The following EYS variants were observed in gnomAD, a reference collection of about 807,000 sequenced individuals.
The protein encoded by EYS is protein eyes shut homolog.
In EYS, 250 loss-of-function variants were observed where a neutral mutation model predicts 282.1. The ratio of observed to expected loss-of-function variants is 0.89; its 90% CI spans 0.80 to 0.98. The LOEUF (loss-of-function observed/expected upper bound fraction) is 0.98, where lower values mean the gene tolerates loss of function less well. Among genes scored for constraint, EYS ranks in the 50% least tolerant of loss-of-function variants. EYS has a pLI of 0.00. For missense variants in EYS, 4,016 were observed against 3,709.0 expected (o/e 1.08, Z -2.15); for synonymous variants, 1,355 against 1,282.9 (o/e 1.06, Z -1.20).
intron 30 of EYS, among the ~76,000 whole-genome samples, chr6:64,302,771 A>C (rs1241545024): frequency 6.6e-6 from 1 of 152,226 alleles, no homozygotes; most frequent in Non-Finnish European, 1.5e-5. Flanking sequence ...GATAAATTTC[A>C]ATCAGCAATG....
At chr6:64,948,566 AT>A (rs72166259) in intron 14 of EYS, among the ~76,000 whole-genome samples, 2 of 94,774 alleles carry the variant, frequency 2.1e-5, no homozygotes, top group African/African-American at 6.6e-5. Context: ...AATATTTAAT[AT>A]TTTAATATTA....
intron 42 of EYS, among the ~76,000 whole-genome samples, chr6:63,723,472 G>C (rs1322953305): frequency 6.6e-6 from 1 of 152,104 alleles, no homozygotes; most frequent in East Asian, 1.9e-4. Flanking sequence ...GTGTTGTAGA[G>C]TGTTCCTGTA....
chr6:65,353,419 G>T (rs775598408), intron 9 of EYS, 39 bp downstream of exon 9: 3 of 1,590,840 alleles, frequency 1.9e-6, no homozygotes, highest in African/African-American at 1.3e-5. Context: ...ATTTTGAAAT[G>T]ATTCAAGCAG....
At chr6:64,587,430 C>T (rs1473568817) in intron 26 of EYS, among the ~76,000 whole-genome samples, 3 of 152,004 alleles carry the variant, frequency 2.0e-5, no homozygotes, top group Non-Finnish European at 4.4e-5. Context: ...TATAATGGTT[C>T]AATCTTTCAA....
intron 2 of EYS, among the ~76,000 whole-genome samples, chr6:65,576,403 A>C (rs1301674086): frequency 6.6e-6 from 1 of 151,924 alleles, no homozygotes; most frequent in East Asian, 1.9e-4. Context: ...AACTCTCAAT[A>C]AATTAAATAT....
intron 15 of EYS, among the ~76,000 whole-genome samples, chr6:64,919,088 A>G (rs181016247): frequency 2.0e-5 from 3 of 152,214 alleles, no homozygotes; most frequent in South Asian, 2.1e-4. Flanking sequence ...GGCAGGAAAG[A>G]GTTCTACTAG....
intron 12 of EYS, among the ~76,000 whole-genome samples, chr6:65,154,743 T>C (rs1412426560): frequency 6.6e-6 from 1 of 151,466 alleles, no homozygotes; most frequent in Non-Finnish European, 1.5e-5. Flanking sequence ...AGATTATTTT[T>C]TCCAACTGAA....
chr6:65,582,156 A>T (rs1764896848), intron 2 of EYS, among the ~76,000 whole-genome samples: 1 of 151,650 alleles, frequency 6.6e-6, no homozygotes, highest in Non-Finnish European at 1.5e-5. Flanking sequence ...AGATGGCGCC[A>T]CTGCACTCCA....
At chr6:65,141,763 T>C (rs531298088) in intron 12 of EYS, among the ~76,000 whole-genome samples, 81 of 140,086 alleles carry the variant, frequency 5.8e-4, no homozygotes, top group South Asian at 3.0e-3. Context: ...TCATCAGAAG[T>C]TCGGGGGCAA....
rs144647608 is a variant in EYS, at chr6:64,449,997, C to T, written c.5645-10645G>A. On this transcript the variant is annotated intron_variant, in intron 26 of 42. Coordinates refer to ENST00000503581, the MANE Select transcript of EYS (RefSeq NM_001142800.2). Reference sequence around the variant, plus strand: ...CATCATAATGACAGGATCAAATTCACACATAACAATACTAACCTTAAATGT... The same window carrying T: ...CATCATAATGACAGGATCAAATTCATACATAACAATACTAACCTTAAATGT... 3.0e-4 allele frequency among the ~76,000 whole-genome samples: 45 copies of T among 152,186 alleles called. No homozygotes were observed. The East Asian group carries it at 7.7e-3, about 26-fold the overall frequency.
At chr6:64,120,357 TA>T (rs34632243) in intron 31 of EYS, among the ~76,000 whole-genome samples, 24,001 of 76,622 alleles carry the variant, frequency 0.31, 2,310 homozygotes, top group East Asian at 0.42. Flanking sequence ...CTCCATCTCT[TA>T]AAAAAAAAAA....
At chr6:65,594,049 T>A (rs1471328998) in intron 2 of EYS, among the ~76,000 whole-genome samples, 2 of 151,906 alleles carry the variant, frequency 1.3e-5, no homozygotes, top group East Asian at 3.9e-4. Flanking sequence ...TCACTAATAA[T>A]AACAAAATAA....
chr6:65,357,972 C>G (rs1239995311), intron 8 of EYS, among the ~76,000 whole-genome samples: 2 of 151,876 alleles, frequency 1.3e-5, no homozygotes, highest in Non-Finnish European at 2.9e-5. Flanking sequence ...AATGTGACCT[C>G]TCTTTTAAAA....
At chr6:65,258,027 A>G (rs1055425464) in intron 12 of EYS, among the ~76,000 whole-genome samples, 4 of 152,046 alleles carry the variant, frequency 2.6e-5, no homozygotes, top group African/African-American at 9.7e-5. Flanking sequence ...GAAATGATAA[A>G]TGTTTTAGAC....
intron 2 of EYS, among the ~76,000 whole-genome samples, chr6:65,602,121 T>C (rs926331020): frequency 1.3e-5 from 2 of 151,882 alleles, no homozygotes; most frequent in African/African-American, 4.8e-5. Context: ...ACATGTTTCT[T>C]GGGGAAGTTC....
chr6:64,025,147 A>G (rs533857117), intron 33 of EYS, among the ~76,000 whole-genome samples: 1 of 152,234 alleles, frequency 6.6e-6, no homozygotes, highest in East Asian at 1.9e-4. Flanking sequence ...CAGCCAGTTA[A>G]AAGCAACTAG....
intron 19 of EYS, among the ~76,000 whole-genome samples, chr6:64,825,495 T>C (rs2150024613): frequency 6.6e-6 from 1 of 152,016 alleles, no homozygotes; most frequent in Admixed American, 6.6e-5. Flanking sequence ...TATGTGTGCA[T>C]GTTTTTGTAT....
intron 28 of EYS, among the ~76,000 whole-genome samples, chr6:64,396,811 A>C (rs1439428174): frequency 2.6e-5 from 4 of 152,040 alleles, no homozygotes; most frequent in Admixed American, 2.6e-4. Flanking sequence ...ATGTCTTAAG[A>C]CTTACTCTAA....
At chr6:64,414,974 G>A (rs1774017925) in intron 28 of EYS, among the ~76,000 whole-genome samples, 1 of 152,124 alleles carries the variant, frequency 6.6e-6, no homozygotes, top group African/African-American at 2.4e-5. Context: ...AATAAAGTAG[G>A]ATTTGGAGAG....
Sources: gnomAD v4.1 joint callset for allele counts (sites outside exome capture counted in the v4.1 genomes callset) on GRCh38, gnomAD v4.1.1 for gene constraint, MANE v1.5 for transcripts, NCBI Gene and HGNC (gene_info 2026-07-23, HGNC 2026-07-21) for gene names.